The following ARHGAP8 variants were observed in gnomAD, a reference collection of about 807,000 sequenced individuals.
ARHGAP8 encodes the protein Rho GTPase activating protein 8.
ARHGAP8 carries 62 observed loss-of-function variants against 46.1 expected under a neutral mutation model. That is an observed-to-expected ratio of 1.34 (90% CI 1.10 to 1.66). The LOEUF is 1.66. Ranked by LOEUF, ARHGAP8 falls within the 40% of genes most tolerant of loss-of-function variation. The probability of loss-of-function intolerance (pLI) is 0.00; values close to 1 mark genes in which losing one functional copy is unlikely to be tolerated. For synonymous variants in ARHGAP8, 375 were observed against 243.1 expected, an observed-to-expected ratio of 1.54 and a Z score of -5.05; for missense variants, 923 against 568.4, an observed-to-expected ratio of 1.62 and a Z score of -6.34.
chr22:44,850,211 C>T (rs1198152594), intron 10 of ARHGAP8: 2 of 152,202 alleles, frequency 1.3e-5, no homozygotes, highest in Non-Finnish European at 2.9e-5. Flanking sequence ...CTGCCAAATG[C>T]AACGCCCTTT....
chr22:44,790,749 T>G (rs755296573), intron 2 of ARHGAP8, among the ~76,000 whole-genome samples: 2,471 of 149,728 alleles, frequency 0.017, 40 homozygotes, highest in Middle Eastern at 0.045. Flanking sequence ...TTTTTTTTTT[T>G]GGAGACGGAG....
chr22:44,772,810 T>G, intron 1 of ARHGAP8, among the ~76,000 whole-genome samples: 1 of 20,212 alleles, frequency 4.9e-5, no homozygotes, highest in African/African-American at 1.1e-4. Flanking sequence ...TCTCTCCCAC[T>G]TTTTTTTTTT....
intron 1 of ARHGAP8, among the ~76,000 whole-genome samples, chr22:44,753,292 GC>G (rs1924398307): frequency 6.7e-6 from 1 of 150,310 alleles, no homozygotes; most frequent in East Asian, 2.0e-4. Flanking sequence ...TTGCATCTCT[GC>G]TCACTGCAAC....
At chr22:44,790,174 C>T (rs1927554933) in intron 2 of ARHGAP8, among the ~76,000 whole-genome samples, 1 of 152,064 alleles carries the variant, frequency 6.6e-6, no homozygotes, top group Admixed American at 6.6e-5. Flanking sequence ...ATGACGGCAG[C>T]TACTGGAGTC....
intron 1 of ARHGAP8, among the ~76,000 whole-genome samples, chr22:44,768,901 C>A (rs1463796851): frequency 6.6e-6 from 1 of 150,378 alleles, no homozygotes; most frequent in Non-Finnish European, 1.5e-5. Context: ...ATGGCGCGAT[C>A]TCGGCTCACC....
At chr22:44,765,013 G>A (rs1925442693) in intron 1 of ARHGAP8, among the ~76,000 whole-genome samples, 1 of 152,188 alleles carries the variant, frequency 6.6e-6, no homozygotes, top group African/African-American at 2.4e-5. Context: ...TAGGGGAAGG[G>A]GTGAAAGGCT....
chr22:44,772,338 G>T (rs913527818), intron 1 of ARHGAP8, among the ~76,000 whole-genome samples: 15 of 64,590 alleles, frequency 2.3e-4, no homozygotes, highest in South Asian at 1.2e-3. Flanking sequence ...CTTTTTTTTT[G>T]TATTTTCTTT....
intron 11 of ARHGAP8, among the ~76,000 whole-genome samples, chr22:44,861,564 C>T (rs1213453415): frequency 9.9e-5 from 15 of 152,220 alleles, no homozygotes; most frequent in Non-Finnish European, 1.5e-5. Context: ...CAGTTCTCTG[C>T]TCTGCCCTGG....
chr22:44,790,676 CAAAAAAA>C (rs369579126), intron 2 of ARHGAP8, among the ~76,000 whole-genome samples: 2 of 49,612 alleles, frequency 4.0e-5, no homozygotes, highest in Non-Finnish European at 7.3e-5. Flanking sequence ...AACTCTGTCT[CAAAAAAA>C]AAAAAAAAAA....
chr22:44,827,818 G>A (rs80124287), intron 7 of ARHGAP8, among the ~76,000 whole-genome samples: 8,215 of 152,084 alleles, frequency 0.054, 395 homozygotes, highest in African/African-American at 0.13. Context: ...GGAGAGGGCC[G>A]GGCCTGGAGT....
rs137860560 is a variant in ARHGAP8, at chr22:44,778,778, C to T, written c.-71-7679C>T. Among the ~76,000 whole-genome samples, 406 of 152,220 alleles carry T rather than the reference C, an allele frequency of 2.7e-3. 1 individual carries two copies. Among genetic ancestry groups the T allele is most frequent in the Admixed American group, 4.5e-3 (69 of 15,282 alleles). The stretch of plus-strand genomic sequence containing the variant: ...AAAATCAGTTTTCTGTGCCCTGGGA[C>T]GATAGCAAAACAGCAGAAATAACGG... On this transcript the variant is annotated intron_variant, in intron 1 of 11. Transcript: ENST00000356099.
chr22:44,852,749 G>C (rs2070127987), intron 10 of ARHGAP8, among the ~76,000 whole-genome samples: 1 of 152,152 alleles, frequency 6.6e-6, no homozygotes, highest in Admixed American at 6.5e-5. Context: ...CAAACATGAA[G>C]TTCAGTGGTT....
At chr22:44,790,959 C>T (rs940928509) in intron 2 of ARHGAP8, among the ~76,000 whole-genome samples, 21 of 152,082 alleles carry the variant, frequency 1.4e-4, no homozygotes, top group Admixed American at 1.0e-3. Flanking sequence ...TCTCAAACTC[C>T]TGAGCTCAGG....
At chr22:44,766,780 G>A (rs1925608156) in intron 1 of ARHGAP8, among the ~76,000 whole-genome samples, 1 of 152,076 alleles carries the variant, frequency 6.6e-6, no homozygotes, top group African/African-American at 2.4e-5. Context: ...TGAGTAGTGG[G>A]GCAGGGTTCT....
intron 1 of ARHGAP8, among the ~76,000 whole-genome samples, chr22:44,759,504 T>C (rs1265111069): frequency 6.6e-6 from 1 of 152,076 alleles, no homozygotes; most frequent in Non-Finnish European, 1.5e-5. Flanking sequence ...CTGGGGATAG[T>C]ATGGAGATCA....
At chr22:44,785,131 G>C (rs34742191) in intron 1 of ARHGAP8, among the ~76,000 whole-genome samples, 16,927 of 152,196 alleles carry the variant, frequency 0.11, 1,282 homozygotes, top group East Asian at 0.27. Flanking sequence ...ATGGGGTGTT[G>C]GTCTGGATGA....
intron 7 of ARHGAP8, among the ~76,000 whole-genome samples, chr22:44,830,378 C>A (rs1930860035): frequency 6.6e-6 from 1 of 151,956 alleles, no homozygotes. Flanking sequence ...ATCACCTAGG[C>A]TGGAGTGCAG....
chr22:44,841,028 A>T (rs1170279796), intron 7 of ARHGAP8, among the ~76,000 whole-genome samples: 1 of 152,130 alleles, frequency 6.6e-6, no homozygotes, highest in African/African-American at 2.4e-5. Context: ...GGCCTCATAC[A>T]TGCAGGGCTG....
At chr22:44,782,657 G>T (rs914936761) in intron 1 of ARHGAP8, among the ~76,000 whole-genome samples, 2 of 152,180 alleles carry the variant, frequency 1.3e-5, no homozygotes, top group African/African-American at 4.8e-5. Flanking sequence ...TCTATGTTGG[G>T]TCATAGGCCA....
Sources: allele counts gnomAD v4.1 joint callset (sites outside exome capture counted in the v4.1 genomes callset), GRCh38; gene constraint gnomAD v4.1.1; transcripts MANE v1.5; gene names NCBI Gene and HGNC (gene_info 2026-07-23, HGNC 2026-07-21).